Variants in COL19A1 observed in about 807,000 individuals in gnomAD.
COL19A1 encodes the protein collagen alpha-1(XIX) chain.
A neutral mutation model predicts 190.2 loss-of-function variants in COL19A1; 159 were observed. The observed-to-expected ratio is 0.84, with a 90% CI of 0.73 to 0.95. The LOEUF (loss-of-function observed/expected upper bound fraction) is 0.95, where lower values mean the gene tolerates loss of function less well. COL19A1 is among the 40% of genes least tolerant of loss of function. COL19A1 has a pLI of 0.00. For missense variants in COL19A1, 1,418 were observed against 1,431.9 expected, an observed-to-expected ratio of 0.99 and a Z score of 0.16; for synonymous variants, 509 against 458.9, an observed-to-expected ratio of 1.11 and a Z score of -1.39.
chr6:69,998,055 C>T (rs58591650), intron 11 of COL19A1, among the ~76,000 whole-genome samples: 2 of 151,908 alleles, frequency 1.3e-5, no homozygotes, highest in African/African-American at 4.8e-5. Flanking sequence ...GACAAAAAGG[C>T]CTTAGAATGA....
intron 15 of COL19A1, among the ~76,000 whole-genome samples, chr6:70,081,788 G>T (rs1189933187): frequency 6.6e-6 from 1 of 152,064 alleles, no homozygotes; most frequent in South Asian, 2.1e-4. Flanking sequence ...CATTGTTTCT[G>T]CAAGTTAAGA....
At chr6:69,878,030 A>C (rs1315973988) in intron 1 of COL19A1, among the ~76,000 whole-genome samples, 3 of 151,798 alleles carry the variant, frequency 2.0e-5, no homozygotes, top group African/African-American at 7.3e-5. Context: ...TAAATAAATA[A>C]AAGGGCAAAG....
intron 4 of COL19A1, among the ~76,000 whole-genome samples, chr6:69,908,287 G>A (rs184375679): frequency 6.6e-6 from 1 of 152,156 alleles, no homozygotes. Context: ...AAGCTCTAGA[G>A]AATGCCTATT....
At chr6:70,105,828 T>C (rs1272292526) in intron 16 of COL19A1, among the ~76,000 whole-genome samples, 1 of 152,154 alleles carries the variant, frequency 6.6e-6, no homozygotes, top group African/African-American at 2.4e-5. Flanking sequence ...TTTTAAAAAA[T>C]TTTAATTTTG....
intron 9 of COL19A1, among the ~76,000 whole-genome samples, chr6:69,954,893 C>T (rs80114627): frequency 0.11 from 16,104 of 152,016 alleles, 957 homozygotes; most frequent in Middle Eastern, 0.16. Context: ...TTACTCATCA[C>T]GAGGAATACT....
chr6:69,878,132 G>A (rs185619932), intron 1 of COL19A1, among the ~76,000 whole-genome samples: 11 of 152,140 alleles, frequency 7.2e-5, no homozygotes, highest in Non-Finnish European at 1.5e-4. Flanking sequence ...AATACTTAGG[G>A]AGATGCAAAT....
chr6:70,017,946 T>G (rs936068297), intron 11 of COL19A1, among the ~76,000 whole-genome samples: 1 of 152,070 alleles, frequency 6.6e-6, no homozygotes, highest in Non-Finnish European at 1.5e-5. Context: ...ACAGGAGTAT[T>G]GGGAGCCTGG....
chr6:70,106,038 G>A lies in COL19A1; in HGVS notation c.1278+3816G>A, dbSNP rs116901732. Among the ~76,000 whole-genome samples the A allele has an allele frequency of 3.5e-3, 532 of 152,166 alleles. 2 individuals carry two copies. The highest frequency in any genetic ancestry group is 5.2e-3 in the Non-Finnish European group (356 of 67,990). On this transcript the variant is annotated intron_variant, in intron 16 of 50. Coordinates refer to ENST00000620364, the MANE Select transcript of COL19A1 (RefSeq NM_001858.6). ...TGATTTTTTTATTTTTTTAATAACA[G>A]CATACTTTATAAGAAAATGTTCTTC...
chr6:70,004,937 A>G (rs1019759926), intron 11 of COL19A1, among the ~76,000 whole-genome samples: 4 of 150,198 alleles, frequency 2.7e-5, no homozygotes, highest in Middle Eastern at 3.2e-3. Context: ...GGTTCATGCC[A>G]TTCTCCTGCC....
At chr6:70,124,384 TC>T (rs1287446017) in intron 17 of COL19A1, among the ~76,000 whole-genome samples, 3 of 152,146 alleles carry the variant, frequency 2.0e-5, no homozygotes, top group African/African-American at 7.2e-5. Flanking sequence ...ATATTTGCTA[TC>T]CCTTGCAAAA....
intron 35 of COL19A1, among the ~76,000 whole-genome samples, chr6:70,163,139 G>T (rs1231781704): frequency 2.6e-5 from 4 of 152,114 alleles, no homozygotes; most frequent in Non-Finnish European, 5.9e-5. Context: ...GTGAAAAAGC[G>T]ACCACAAATA....
intron 9 of COL19A1, among the ~76,000 whole-genome samples, chr6:69,947,045 T>C (rs1041707790): frequency 2.0e-5 from 3 of 151,880 alleles, no homozygotes; most frequent in South Asian, 2.1e-4. Context: ...AAATCTAAAA[T>C]ATTTACTCTC....
In COL19A1 at chr6:70,144,918, G is replaced by A. The variant is rs761782744; in HGVS notation, c.1681G>A (p.Gly561Arg). The change falls in exon 25 of 51, where the codon GGA becomes AGA. Residue 561 changes from glycine (G) to arginine (R), a missense_variant and splice_region_variant. By Grantham distance (125) the Gly-to-Arg change is moderately radical (BLOSUM62 -2). Coordinates refer to ENST00000620364, the MANE Select transcript of COL19A1 (RefSeq NM_001858.6). ...PGKQGIKGEKGDPGGIIGPPG... is the reference protein window; with the variant it reads ...PGKQGIKGEKRDPGGIIGPPG... ...AAGAATCTTACCTTGTTTTCTACAG[G>A]GAGATCCGGGTGGGATCATAGGCCC... is the stretch of plus-strand genomic sequence containing the variant. 8.9e-6 allele frequency: 14 copies of A among 1,564,582 alleles called. No homozygotes were observed. The highest frequency in any genetic ancestry group is 1.1e-5 in the Non-Finnish European group (13 of 1,150,288).
intron 42 of COL19A1, among the ~76,000 whole-genome samples, chr6:70,179,323 C>T (rs955111434): frequency 2.6e-5 from 4 of 152,192 alleles, no homozygotes; most frequent in African/African-American, 9.7e-5. Context: ...CATCCCACGT[C>T]GTCTATCTTT....
At chr6:69,921,459 A>ATCATATATATTCATATAT (rs1771877916) in intron 4 of COL19A1, among the ~76,000 whole-genome samples, 1 of 21,270 alleles carries the variant, frequency 4.7e-5, no homozygotes, top group Non-Finnish European at 1.0e-4. Context: ...TATCATATAT[A>ATCATATATATTCATATAT]TCATATATAT....
chr6:69,966,537 A>G (rs1294269270), intron 11 of COL19A1, among the ~76,000 whole-genome samples: 1 of 152,158 alleles, frequency 6.6e-6, no homozygotes, highest in Non-Finnish European at 1.5e-5. Flanking sequence ...GGGCGGTGCA[A>G]GATGTGCTTT....
Position 70,067,706 on chromosome 6 carries a change from T to C in COL19A1, c.1171-717T>C, listed in dbSNP as rs572831668. On this transcript the variant is annotated intron_variant, in intron 14 of 50. Coordinates refer to ENST00000620364, the MANE Select transcript of COL19A1 (RefSeq NM_001858.6). Reference sequence around the variant, plus strand: ...AAAATCTCCCGCATTTAATGGTTGATTAGGGAAGAAAGAAGCAGCAGGAAA... The same window carrying C: ...AAAATCTCCCGCATTTAATGGTTGACTAGGGAAGAAAGAAGCAGCAGGAAA... Among the ~76,000 whole-genome samples, 61 of 152,152 alleles carry C rather than the reference T, an allele frequency of 4.0e-4. 1 individual carries two copies. In the South Asian group the frequency reaches 8.7e-3, roughly 22 times the overall value.
intron 14 of COL19A1, among the ~76,000 whole-genome samples, chr6:70,057,567 G>A (rs1007976311): frequency 2.6e-5 from 4 of 151,934 alleles, no homozygotes; most frequent in African/African-American, 9.7e-5. Flanking sequence ...GTAGTTAATG[G>A]TTTGTATAGA....
intron 4 of COL19A1, among the ~76,000 whole-genome samples, chr6:69,927,625 G>A (rs3805957): frequency 6.6e-6 from 1 of 152,122 alleles, no homozygotes; most frequent in East Asian, 1.9e-4. Context: ...TCTACTGTTT[G>A]TCAGACTGCA....
Sources: allele counts gnomAD v4.1 joint callset (sites outside exome capture counted in the v4.1 genomes callset), GRCh38; gene constraint gnomAD v4.1.1; transcripts MANE v1.5; gene names NCBI Gene and HGNC (gene_info 2026-07-23, HGNC 2026-07-21).